ANK3: variants seen among roughly 807,000 people sequenced by gnomAD.
The protein encoded by ANK3 is ankyrin 3.
In ANK3, 57 loss-of-function variants were observed where a neutral mutation model predicts 370.9. The ratio of observed to expected loss-of-function variants is 0.15; its 90% CI spans 0.12 to 0.19. ANK3 has a LOEUF of 0.19. Ranked by LOEUF, ANK3 falls within the 10% of genes least tolerant of loss-of-function variation. ANK3 has a pLI of 1.00. For synonymous variants in ANK3, 1,929 were observed against 1,946.3 expected, an observed-to-expected ratio of 0.99 and a Z score of 0.23; for missense variants, 4,439 against 5,302.1, an observed-to-expected ratio of 0.84 and a Z score of 5.06.
At chr10:60,056,196 G>A (rs1006130961) in intron 41 of ANK3, among the ~76,000 whole-genome samples, 160 bp from the exon 42 acceptor site, 4 of 152,334 alleles carry the variant, frequency 2.6e-5, no homozygotes, top group South Asian at 2.1e-4. Flanking sequence ...GTAGCTGGGC[G>A]CAGTGGCTCA....
rs574293552 is a variant in ANK3 at position 60,092,295 on chromosome 10, A to T, written c.3329-3937T>A. Among the ~76,000 whole-genome samples the T allele has an allele frequency of 2.6e-5, 4 of 152,296 alleles. No individual in the cohort carries two copies. The South Asian group carries it at 8.3e-4, about 32-fold the overall frequency. ...TTTTCAGACCTCCGATACATACTGCACAGGTCCCCCTGTCCCTTCACTATT... is the reference window on the plus strand; with the variant it reads ...TTTTCAGACCTCCGATACATACTGCTCAGGTCCCCCTGTCCCTTCACTATT... On this transcript the variant is annotated intron_variant, in intron 28 of 43. Coordinates refer to ENST00000280772, the MANE Select transcript of ANK3 (RefSeq NM_020987.5).
chr10:60,600,468 G>A (rs2078045603), intron 2 of ANK3, among the ~76,000 whole-genome samples: 1 of 152,092 alleles, frequency 6.6e-6, no homozygotes, highest in Non-Finnish European at 1.5e-5. Flanking sequence ...TTATGACCAA[G>A]TAATTCACTA....
chr10:60,228,310 C>G (rs2050848), intron 8 of ANK3, among the ~76,000 whole-genome samples: 1 of 151,664 alleles, frequency 6.6e-6, no homozygotes, highest in Non-Finnish European at 1.5e-5. Context: ...CCGAGGTGGG[C>G]GGATCACGAG....
At chr10:60,359,663 G>T (rs1373508180) in intron 1 of ANK3, among the ~76,000 whole-genome samples, 16 of 152,150 alleles carry the variant, frequency 1.1e-4, no homozygotes, top group Non-Finnish European at 1.8e-4. Context: ...TGGGCCAGTT[G>T]TGGTGGCTCA....
rs750873003 is a variant in ANK3 at position 60,069,338 on chromosome 10, C to G, written c.11543G>C (p.Gly3848Ala). Residue 3848 changes from glycine (G) to alanine (A), a missense_variant, in exon 37 of 44, where the codon GGA becomes GCA. This residue lies in a region of ANK3 where 496 missense variants were observed against 529.3 expected (regional missense o/e 0.94). Coordinates refer to ENST00000280772, the MANE Select transcript of ANK3 (RefSeq NM_020987.5). The part of the protein sequence containing the change: ...HCVRDKQKVL[G>A]EQQKTKELIG... Reference sequence around the variant, plus strand: ...CAATTCCTTTGTTTTTTGCTGTTCTCCAAGAACTTTCTGCTTATCTCTTAC... The same window carrying G: ...CAATTCCTTTGTTTTTTGCTGTTCTGCAAGAACTTTCTGCTTATCTCTTAC... 6.2e-7 allele frequency: 1 copy of G among 1,613,970 alleles called. No individual in the cohort carries two copies. Among genetic ancestry groups the G allele is most frequent in the Non-Finnish European group, 8.5e-7 (1 of 1,180,004 alleles).
chr10:60,280,271 C>A (rs1407763120), intron 1 of ANK3, among the ~76,000 whole-genome samples: 2 of 152,112 alleles, frequency 1.3e-5, no homozygotes, highest in Non-Finnish European at 2.9e-5. Flanking sequence ...TGTTCCCAGG[C>A]TGGTCTTGAA....
intron 2 of ANK3, among the ~76,000 whole-genome samples, chr10:60,404,412 G>A (rs2132911557): frequency 6.6e-6 from 1 of 152,220 alleles, no homozygotes; most frequent in Non-Finnish European, 1.5e-5. Flanking sequence ...AAAGATCAAT[G>A]CAAGGGAAAC....
At position 60,071,597 on chromosome 10, in the gene ANK3, T is replaced by G. The variant is rs780407914; in HGVS notation, c.9284A>C (p.Tyr3095Ser). 2 of 1,613,852 alleles carry G rather than the reference T, an allele frequency of 1.2e-6. No individual in the cohort carries two copies. Among genetic ancestry groups the G allele is most frequent in the Non-Finnish European group, 1.7e-6 (2 of 1,179,992 alleles). Residue 3095 changes from tyrosine (Y) to serine (S), a missense_variant, in exon 37 of 44, where the codon TAT becomes TCT. Around this residue, in one of 13 missense-constraint regions of ANK3, gnomAD observed 1,601 missense variants for 1,731.7 expected, o/e 0.92. Transcript: ENST00000280772. ...CTTCCCCACTTGTACAAAACTGACA[T>G]AAACGGGTAAAGTTTTTATCTCTTT... ...GGKEIKTLPVYVSFVQVGKQY... is the reference protein window; with the variant it reads ...GGKEIKTLPVSVSFVQVGKQY...
chr10:60,302,822 C>T (rs1448503765), intron 1 of ANK3, among the ~76,000 whole-genome samples: 1 of 147,536 alleles, frequency 6.8e-6, no homozygotes, highest in South Asian at 2.1e-4. Context: ...TGGTATTGGC[C>T]AAAAAAACAA....
At chr10:60,516,874 G>A (rs1392542161) in intron 2 of ANK3, among the ~76,000 whole-genome samples, 1 of 152,082 alleles carries the variant, frequency 6.6e-6, no homozygotes, top group East Asian at 1.9e-4. Context: ...CTAAAGAGAA[G>A]GGAGACAATG....
At chr10:60,536,058 T>C (rs2076717975) in intron 2 of ANK3, among the ~76,000 whole-genome samples, 1 of 152,104 alleles carries the variant, frequency 6.6e-6, no homozygotes, top group Middle Eastern at 3.2e-3. Context: ...GAAAAAGAAT[T>C]CTATGTGGTT....
At chr10:60,361,434 T>C (rs1456705658) in intron 1 of ANK3, among the ~76,000 whole-genome samples, 1 of 152,198 alleles carries the variant, frequency 6.6e-6, no homozygotes, top group Non-Finnish European at 1.5e-5. Context: ...GGTGAATGCT[T>C]TATTAATTGG....
intron 2 of ANK3, among the ~76,000 whole-genome samples, chr10:60,482,185 A>G (rs1219344447): frequency 6.6e-6 from 1 of 152,032 alleles, no homozygotes; most frequent in Non-Finnish European, 1.5e-5. Context: ...TGTTGCTCTG[A>G]CTCAAATGGC....
intron 36 of ANK3, among the ~76,000 whole-genome samples, chr10:60,079,654 C>G (rs1835669805): frequency 1.3e-5 from 2 of 152,126 alleles, no homozygotes; most frequent in Admixed American, 1.3e-4. Flanking sequence ...ATAATTTCCC[C>G]TCATTTAAAA....
chr10:60,501,031 T>A (rs993515618), intron 2 of ANK3, among the ~76,000 whole-genome samples: 8 of 152,040 alleles, frequency 5.3e-5, no homozygotes, highest in African/African-American at 1.7e-4. Context: ...AACCATGTCA[T>A]CAAATTGAAA....
chr10:60,045,332 A>C (rs1038235618), intron 42 of ANK3, among the ~76,000 whole-genome samples: 1 of 152,196 alleles, frequency 6.6e-6, no homozygotes, highest in African/African-American at 2.4e-5. Flanking sequence ...GAGTTTTAAA[A>C]ATAGAATACA....
At chr10:60,103,912 A>G (rs926955335) in intron 28 of ANK3, among the ~76,000 whole-genome samples, 1 of 152,232 alleles carries the variant, frequency 6.6e-6, no homozygotes, top group Admixed American at 6.5e-5. Context: ...AGCCATAAAA[A>G]AGAATGAGAT....
chr10:60,710,757 C>T (rs1486421415), intron 1 of ANK3, among the ~76,000 whole-genome samples: 1 of 152,136 alleles, frequency 6.6e-6, no homozygotes, highest in African/African-American at 2.4e-5. Flanking sequence ...CATCAGCAAG[C>T]TGGAGACCCA....
At chr10:60,306,150 C>T (rs543312482) in intron 1 of ANK3, among the ~76,000 whole-genome samples, 42 of 151,802 alleles carry the variant, frequency 2.8e-4, no homozygotes, top group Non-Finnish European at 1.6e-4. Flanking sequence ...TTGGTGCACC[C>T]GTCAGCCAAG....
Sources: allele counts gnomAD v4.1 joint callset (sites outside exome capture counted in the v4.1 genomes callset), GRCh38; gene constraint gnomAD v4.1.1; regional missense constraint gnomAD v4.1.1; transcripts MANE v1.5; gene names NCBI Gene and HGNC (gene_info 2026-07-23, HGNC 2026-07-21).